Variants in TNNI3K observed in about 807,000 individuals in gnomAD.
TNNI3K encodes serine/threonine-protein kinase TNNI3K.
Under a neutral mutation model 114.5 loss-of-function variants are expected in TNNI3K, and 140 were observed. The observed-to-expected ratio is 1.22, with a 90% CI of 1.07 to 1.41. The LOEUF (loss-of-function observed/expected upper bound fraction) is 1.41, where lower values mean the gene tolerates loss of function less well. Ranked by LOEUF, TNNI3K falls within the 40% of genes most tolerant of loss-of-function variation. The probability of loss-of-function intolerance (pLI) is 0.00; values close to 1 mark genes in which losing one functional copy is unlikely to be tolerated. For missense variants in TNNI3K, 1,125 were observed against 1,007.6 expected, an observed-to-expected ratio of 1.12 and a Z score of -1.58; for synonymous variants, 347 against 347.5, an observed-to-expected ratio of 1.00 and a Z score of 0.02.
chr1:74,265,010 A>G lies in TNNI3K; in HGVS notation c.334-6588A>G, dbSNP rs572923750. Among the ~76,000 whole-genome samples, 12 of 152,164 alleles carry G rather than the reference A, an allele frequency of 7.9e-5. No homozygotes were observed. The South Asian group carries it at 2.5e-3, about 32-fold the overall frequency. On this transcript the variant is annotated intron_variant, in intron 4 of 24. Coordinates refer to ENST00000326637, the MANE Select transcript of TNNI3K (RefSeq NM_015978.3). Reference sequence around the variant, plus strand: ...GTCAGGGCTGATACATGAAAGACAAATTATTAGCAGCTGAAGGGTAATTGG... The same window carrying G: ...GTCAGGGCTGATACATGAAAGACAAGTTATTAGCAGCTGAAGGGTAATTGG...
At chr1:74,463,302 A>G in intron 20 of TNNI3K, 139 bp from the exon 21 acceptor site, 1 of 821,618 alleles carries the variant, frequency 1.2e-6, no homozygotes. Flanking sequence ...ATTGGGGGAA[A>G]AAAGCCTAGA....
chr1:74,403,082 T>C (rs544354025), intron 17 of TNNI3K, among the ~76,000 whole-genome samples: 1 of 152,322 alleles, frequency 6.6e-6, no homozygotes, highest in South Asian at 2.1e-4. Flanking sequence ...ATTTTTTACA[T>C]GTCTCTTGGT....
At chr1:74,522,681 A>C (rs1270896536) in intron 23 of TNNI3K, among the ~76,000 whole-genome samples, 1 of 152,038 alleles carries the variant, frequency 6.6e-6, no homozygotes, top group Admixed American at 6.6e-5. Context: ...AGAAAGAGAG[A>C]AATGCCCCAG....
At chr1:74,502,676 T>C (rs1669695319) in intron 23 of TNNI3K, among the ~76,000 whole-genome samples, 1 of 152,214 alleles carries the variant, frequency 6.6e-6, no homozygotes, top group East Asian at 1.9e-4. Context: ...CTATGGCCAA[T>C]AGCCTTTGAT....
chr1:74,318,742 T>C (rs79477997), intron 5 of TNNI3K, among the ~76,000 whole-genome samples: 1,661 of 152,362 alleles, frequency 0.011, 24 homozygotes, highest in African/African-American at 0.038. Flanking sequence ...GTTATTTTGT[T>C]TCTTCCACTA....
At chr1:74,391,027 T>C (rs1434936342) in intron 17 of TNNI3K, among the ~76,000 whole-genome samples, 3 of 137,242 alleles carry the variant, frequency 2.2e-5, no homozygotes, top group Non-Finnish European at 3.2e-5. Context: ...GAAAGTAAAA[T>C]AAAATAAAAC....
chr1:74,309,294 A>AG (rs1353087831), intron 5 of TNNI3K, among the ~76,000 whole-genome samples: 4 of 133,916 alleles, frequency 3.0e-5, no homozygotes, highest in African/African-American at 1.1e-4. Context: ...CGTGAACCCC[A>AG]GGGGGCGGAG....
At chr1:74,376,381 T>A (rs761039606) in intron 17 of TNNI3K, among the ~76,000 whole-genome samples, 42 of 152,002 alleles carry the variant, frequency 2.8e-4, no homozygotes, top group Admixed American at 1.3e-4. Flanking sequence ...TTTCTTTAAC[T>A]TGTGACTTTT....
At chr1:74,295,393 G>T (rs987001539) in intron 5 of TNNI3K, among the ~76,000 whole-genome samples, 3 of 152,054 alleles carry the variant, frequency 2.0e-5, no homozygotes, top group Admixed American at 6.6e-5. Flanking sequence ...TTTAAAAATT[G>T]TCTGTATACT....
In TNNI3K at chr1:74,417,592, A is replaced by C. The variant is rs140306118; in HGVS notation, c.1773-18488A>C. Among the ~76,000 whole-genome samples the C allele has an allele frequency of 3.3e-5, 5 of 151,978 alleles. No homozygotes were observed. The East Asian group carries it at 5.8e-4, about 18-fold the overall frequency. On this transcript the variant is annotated intron_variant, in intron 17 of 24. Transcript: ENST00000326637. Reference sequence around the variant, plus strand: ...ACACAATATATCTCTTGTAAGCCCAACTTATACTGGCATCTAATTCACAGA... The same window carrying C: ...ACACAATATATCTCTTGTAAGCCCACCTTATACTGGCATCTAATTCACAGA...
intron 12 of TNNI3K, 70 bp from the exon 13 acceptor site, chr1:74,367,838 A>G: frequency 8.4e-6 from 12 of 1,423,114 alleles, no homozygotes; most frequent in Non-Finnish European, 1.1e-5. Flanking sequence ...GCTTATTTTT[A>G]TAATGTTGAA....
At chr1:74,406,587 G>A (rs878974686) in intron 17 of TNNI3K, among the ~76,000 whole-genome samples, 21 of 152,226 alleles carry the variant, frequency 1.4e-4, no homozygotes, top group Admixed American at 1.0e-3. Flanking sequence ...TAAGGCCTCT[G>A]GTGATTAGAT....
At chr1:74,369,353 TCTGTTTA>T (rs747564046) in intron 15 of TNNI3K, 31 bp from the exon 16 acceptor site, 1 of 1,607,070 alleles carries the variant, frequency 6.2e-7, no homozygotes, top group East Asian at 2.2e-5. Context: ...TTTGGATCCA[TCTGTTTA>T]CTGAAGATTT....
chr1:74,308,071 A>G (rs564440966), intron 5 of TNNI3K, among the ~76,000 whole-genome samples: 4 of 151,992 alleles, frequency 2.6e-5, no homozygotes, highest in East Asian at 3.9e-4. Context: ...ATAGTGGAGG[A>G]CTTCAACATC....
At chr1:74,389,914 G>T (rs962529819) in intron 17 of TNNI3K, among the ~76,000 whole-genome samples, 1 of 151,944 alleles carries the variant, frequency 6.6e-6, no homozygotes, top group Non-Finnish European at 1.5e-5. Context: ...AGGAGAGAGG[G>T]GTAATCATGG....
intron 9 of TNNI3K, among the ~76,000 whole-genome samples, chr1:74,348,170 T>G (rs1043872408): frequency 1.6e-4 from 24 of 152,228 alleles, no homozygotes; most frequent in Non-Finnish European, 2.6e-4. Context: ...GAATTAATTT[T>G]TGTATAAGGT....
chr1:74,459,816 A>T (rs985664844), intron 20 of TNNI3K, among the ~76,000 whole-genome samples: 23 of 152,162 alleles, frequency 1.5e-4, no homozygotes, highest in Non-Finnish European at 1.6e-4. Flanking sequence ...CAAACAAGGG[A>T]GAAGTTGAAT....
chr1:74,368,359 G>C (rs1662392742), intron 13 of TNNI3K, among the ~76,000 whole-genome samples: 1 of 151,754 alleles, frequency 6.6e-6, no homozygotes, highest in Admixed American at 6.6e-5. Context: ...TTGAATGTAT[G>C]CTTCACACAG....
At chr1:74,357,865 G>C (rs921515907) in intron 11 of TNNI3K, among the ~76,000 whole-genome samples, 1 of 151,900 alleles carries the variant, frequency 6.6e-6, no homozygotes, top group Non-Finnish European at 1.5e-5. Flanking sequence ...TTTTCCTGTG[G>C]TACAAAGGAC....
Sources: gnomAD v4.1 joint callset for allele counts (sites outside exome capture counted in the v4.1 genomes callset) on GRCh38, gnomAD v4.1.1 for gene constraint, MANE v1.5 for transcripts, NCBI Gene and HGNC (gene_info 2026-07-23, HGNC 2026-07-21) for gene names.